Variants in KSR2 observed in about 807,000 individuals in gnomAD.
KSR2 encodes the protein kinase suppressor of ras 2.
A neutral mutation model predicts 107.8 loss-of-function variants in KSR2; 25 were observed. That is an observed-to-expected ratio of 0.23 (90% CI 0.17 to 0.32). KSR2 has a LOEUF of 0.32. Ranked by LOEUF, KSR2 falls within the 10% of genes least tolerant of loss-of-function variation. The pLI, the probability that KSR2 is intolerant of heterozygous loss-of-function variation, is 1.00. For missense variants in KSR2, 887 were observed against 1,268.9 expected (o/e 0.70, Z 4.57); for synonymous variants, 480 against 507.0 (o/e 0.95, Z 0.71).
In KSR2 at chr12:117,801,283, A is replaced by ATT. The variant is rs35746430; in HGVS notation, c.473-39761_473-39760dup. ...GGGCATCTGCCACCATGCCCGGCTA[A>ATT]TTTTTTTTTTTTTTTTTGTATTTTT... is the stretch of plus-strand genomic sequence containing the variant. On this transcript the variant is annotated intron_variant, in intron 3 of 19. Transcript: ENST00000339824. 9.9e-3 allele frequency among the ~76,000 whole-genome samples: 1,344 copies of ATT among 136,006 alleles called. 29 individuals are homozygous for ATT. The highest frequency in any genetic ancestry group is 0.033 in the African/African-American group (1,208 of 36,368). 89.2% of individuals were successfully genotyped at this position (136,006 alleles called of 152,430 possible). A position where few individuals can be genotyped will look rare whatever the true frequency, so the allele number is the denominator to read the frequency against.
At chr12:117,888,775 T>C (rs568635720) in intron 1 of KSR2, among the ~76,000 whole-genome samples, 20 of 152,230 alleles carry the variant, frequency 1.3e-4, no homozygotes, top group Non-Finnish European at 2.8e-4. Flanking sequence ...GAAAATAAAT[T>C]TAGATTTTAT....
At chr12:117,624,560 C>T (rs4767581) in intron 5 of KSR2, among the ~76,000 whole-genome samples, 136,512 of 152,188 alleles carry the variant, frequency 0.9, 61,375 homozygotes, top group East Asian at 0.99. Context: ...TGAGACCTGT[C>T]CCACTGGTGT....
intron 10 of KSR2, among the ~76,000 whole-genome samples, chr12:117,535,006 G>T (rs1875935991): frequency 6.6e-6 from 1 of 152,158 alleles, no homozygotes; most frequent in South Asian, 2.1e-4. Context: ...AGAACCATAA[G>T]ATAATAAACC....
At chr12:117,901,835 G>C (rs955543266) in intron 1 of KSR2, among the ~76,000 whole-genome samples, 16 of 152,090 alleles carry the variant, frequency 1.1e-4, no homozygotes, top group Admixed American at 1.3e-4. Flanking sequence ...AAACAGGTTA[G>C]ACAAAACAGG....
rs779990794 is a variant in KSR2 at position 117,789,152 on chromosome 12, G to A, written c.473-27628C>T. On this transcript the variant is annotated intron_variant, in intron 3 of 19. Coordinates refer to ENST00000339824, the MANE Select transcript of KSR2 (RefSeq NM_173598.6). ...GAAAAACTTGAAGTTGCTAAACTTC[G>A]TACATCTCACTGCAAATTAGTCTCC... 6.6e-5 allele frequency among the ~76,000 whole-genome samples: 10 copies of A among 152,178 alleles called. No homozygotes were observed. In the South Asian group the frequency reaches 1.0e-3, roughly 16 times the overall value.
intron 5 of KSR2, among the ~76,000 whole-genome samples, chr12:117,664,289 G>A (rs1884558829): frequency 6.6e-6 from 1 of 152,288 alleles, no homozygotes; most frequent in Admixed American, 6.5e-5. Flanking sequence ...TCTGCCTAAT[G>A]CTGTCCCCAG....
intron 1 of KSR2, among the ~76,000 whole-genome samples, chr12:117,882,283 G>A (rs921004763): frequency 6.6e-6 from 1 of 152,148 alleles, no homozygotes. Context: ...TCTGGAGGAG[G>A]TGGCATATAA....
intron 4 of KSR2, among the ~76,000 whole-genome samples, chr12:117,692,489 T>C (rs1163834362): frequency 9.2e-5 from 9 of 97,664 alleles, no homozygotes; most frequent in African/African-American, 3.3e-4. Context: ...TATATATATA[T>C]ATATATATAT....
intron 9 of KSR2, among the ~76,000 whole-genome samples, chr12:117,541,045 T>C (rs577506653): frequency 4.7e-4 from 72 of 151,972 alleles, no homozygotes; most frequent in Non-Finnish European, 8.7e-4. Flanking sequence ...GGAGTAATGA[T>C]AGCATCAAGT....
intron 5 of KSR2, among the ~76,000 whole-genome samples, chr12:117,630,603 T>C (rs1473822571): frequency 2.0e-5 from 3 of 151,908 alleles, no homozygotes; most frequent in Admixed American, 6.6e-5. Context: ...GGGGAATGAA[T>C]TGGAAGAAGG....
At chr12:117,740,463 TTATATGTAATATATA>T (rs1565989999) in intron 4 of KSR2, among the ~76,000 whole-genome samples, 1 of 82,428 alleles carries the variant, frequency 1.2e-5, no homozygotes, top group African/African-American at 3.6e-5. Context: ...AGTACATATA[TTATATGTAATATATA>T]ACATATAATA....
At chr12:117,582,821 C>T (rs1879749622) in intron 5 of KSR2, among the ~76,000 whole-genome samples, 1 of 152,190 alleles carries the variant, frequency 6.6e-6, no homozygotes, top group African/African-American at 2.4e-5. Context: ...GTTCGAGGAA[C>T]CTGAAATGAA....
chr12:117,602,815 C>A (rs1254690107), intron 5 of KSR2, among the ~76,000 whole-genome samples: 1 of 152,176 alleles, frequency 6.6e-6, no homozygotes, highest in East Asian at 1.9e-4. Context: ...TATTTGGAAC[C>A]CCACTGGGCC....
chr12:117,704,680 A>C (rs1005978674), intron 4 of KSR2, among the ~76,000 whole-genome samples: 1 of 152,138 alleles, frequency 6.6e-6, no homozygotes, highest in Non-Finnish European at 1.5e-5. Flanking sequence ...CAACACAGTG[A>C]AACCCCATCT....
At chr12:117,913,646 GAACGTGAGGAGC>G (rs1895090868) in intron 1 of KSR2, among the ~76,000 whole-genome samples, 1 of 152,154 alleles carries the variant, frequency 6.6e-6, no homozygotes, top group Admixed American at 6.5e-5. Flanking sequence ...ACAAGCCAAG[GAACGTGAGGAGC>G]CCCCAGAAGC....
At chr12:117,927,435 T>C (rs1463436559) in intron 1 of KSR2, among the ~76,000 whole-genome samples, 3 of 130,382 alleles carry the variant, frequency 2.3e-5, no homozygotes, top group African/African-American at 8.9e-5. Context: ...GTTATGTCTG[T>C]AATCCCAGCA....
At chr12:117,966,038 C>T (rs1363247934) in intron 1 of KSR2, among the ~76,000 whole-genome samples, 3 of 152,158 alleles carry the variant, frequency 2.0e-5, no homozygotes, top group African/African-American at 7.2e-5. Flanking sequence ...CATACTGGGA[C>T]AAGGGAACTG....
chr12:117,736,823 A>AG (rs1489109767), intron 4 of KSR2, among the ~76,000 whole-genome samples: 5 of 145,032 alleles, frequency 3.4e-5, no homozygotes, highest in African/African-American at 1.3e-4. Context: ...AAAAAAAAAA[A>AG]AAAAGAAAAG....
intron 1 of KSR2, among the ~76,000 whole-genome samples, chr12:117,877,958 C>G (rs1442037564): frequency 1.3e-5 from 2 of 152,144 alleles, no homozygotes; most frequent in African/African-American, 4.8e-5. Flanking sequence ...TGCCGCCCGG[C>G]CCTATGAGAG....
Sources: allele counts gnomAD v4.1 joint callset (sites outside exome capture counted in the v4.1 genomes callset), GRCh38; gene constraint gnomAD v4.1.1; transcripts MANE v1.5; gene names NCBI Gene and HGNC (gene_info 2026-07-23, HGNC 2026-07-21).